TTC7A: variants seen among roughly 807,000 people sequenced by gnomAD.
The protein encoded by TTC7A is tetratricopeptide repeat domain 7A.
Under a neutral mutation model 103.7 loss-of-function variants are expected in TTC7A, and 110 were observed. The ratio of observed to expected loss-of-function variants is 1.06; its 90% CI spans 0.91 to 1.24. TTC7A has a LOEUF of 1.24. Ranked by LOEUF, TTC7A falls within the 50% of genes most tolerant of loss-of-function variation. The probability of loss-of-function intolerance (pLI) is 0.00; values close to 1 mark genes in which losing one functional copy is unlikely to be tolerated. For missense variants in TTC7A, 1,340 were observed against 1,116.3 expected, an observed-to-expected ratio of 1.20 and a Z score of -2.86; for synonymous variants, 521 against 467.9, an observed-to-expected ratio of 1.11 and a Z score of -1.47.
At chr2:46,924,886 C>G (rs1310509007) in intron 2 of TTC7A, among the ~76,000 whole-genome samples, 2 of 152,236 alleles carry the variant, frequency 1.3e-5, no homozygotes, top group African/African-American at 4.8e-5. Flanking sequence ...CTTGGCCTTC[C>G]AGAGTCCTAG....
chr2:47,037,839 A>G (rs1307444233), intron 15 of TTC7A, among the ~76,000 whole-genome samples: 1 of 152,226 alleles, frequency 6.6e-6, no homozygotes, highest in Non-Finnish European at 1.5e-5. Flanking sequence ...AAGTTTGGGC[A>G]AACATGTATT....
intron 19 of TTC7A, among the ~76,000 whole-genome samples, chr2:47,064,640 A>G (rs1421024303): frequency 6.6e-6 from 1 of 152,144 alleles, no homozygotes; most frequent in African/African-American, 2.4e-5. Context: ...GGCACTTCCA[A>G]GGGCAGAAGA....
intron 1 of TTC7A, among the ~76,000 whole-genome samples, chr2:46,942,282 C>T (rs1670498975): frequency 6.6e-6 from 1 of 152,152 alleles, no homozygotes; most frequent in Non-Finnish European, 1.5e-5. Context: ...GTGGCTTTAG[C>T]AGTAGGGCTG....
chr2:46,943,915 A>G (rs773993426), intron 1 of TTC7A, among the ~76,000 whole-genome samples: 2 of 152,194 alleles, frequency 1.3e-5, no homozygotes, highest in African/African-American at 2.4e-5. Context: ...CCAGAGGTAG[A>G]TTCAGGGAGG....
intron 18 of TTC7A, 114 bp from the exon 19 acceptor site, chr2:47,060,655 G>C: frequency 1.1e-6 from 1 of 924,376 alleles, no homozygotes; most frequent in Non-Finnish European, 1.7e-6. Flanking sequence ...TGATTTGGTG[G>C]GATAGAGTTT....
chr2:46,915,904 C>A (rs1182406566), upstream of TTC7A: 3 of 984,480 alleles, frequency 3.0e-6, no homozygotes, highest in Admixed American at 6.2e-5. Context: ...CGGCGGCGGG[C>A]TGTGAGGACG....
intron 18 of TTC7A, among the ~76,000 whole-genome samples, chr2:47,056,174 C>A (rs1683296079): frequency 6.6e-6 from 1 of 152,224 alleles, no homozygotes; most frequent in Non-Finnish European, 1.5e-5. Flanking sequence ...GTTCTCCATT[C>A]TAGTCCCCTT....
intron 19 of TTC7A, 90 bp downstream of exon 19, chr2:47,061,061 C>A: frequency 7.5e-7 from 1 of 1,331,908 alleles, no homozygotes; most frequent in Non-Finnish European, 1.0e-6. Context: ...CCATACTCCA[C>A]TGCCTGCCTG....
chr2:47,069,817 C>T (rs1160835579), intron 19 of TTC7A, among the ~76,000 whole-genome samples: 1 of 152,220 alleles, frequency 6.6e-6, no homozygotes, highest in Non-Finnish European at 1.5e-5. Flanking sequence ...TTCTGTAGAG[C>T]AGGCTCCTCC....
chr2:46,967,868 C>G (rs1323332346), intron 3 of TTC7A, among the ~76,000 whole-genome samples: 2 of 151,940 alleles, frequency 1.3e-5, no homozygotes, highest in East Asian at 3.9e-4. Flanking sequence ...CCTACCTGGC[C>G]TTTCGGTTTC....
intron 11 of TTC7A, among the ~76,000 whole-genome samples, chr2:47,012,118 CTG>C (rs1356809932): frequency 6.6e-6 from 1 of 152,240 alleles, no homozygotes; most frequent in Non-Finnish European, 1.5e-5. Context: ...CCCCGCCTTG[CTG>C]TAGTCCTCCT....
intron 15 of TTC7A, among the ~76,000 whole-genome samples, chr2:47,030,650 C>T (rs947209795): frequency 2.6e-5 from 4 of 152,208 alleles, no homozygotes; most frequent in Non-Finnish European, 5.9e-5. Context: ...GCCTGGTCTG[C>T]AGCCCCAAGA....
chr2:47,020,579 C>T (rs72806591), intron 11 of TTC7A, among the ~76,000 whole-genome samples: 6,861 of 152,340 alleles, frequency 0.045, 195 homozygotes, highest in African/African-American at 0.062. Context: ...AGCTCGCCCA[C>T]AAGGTGGCTG....
intron 2 of TTC7A, among the ~76,000 whole-genome samples, chr2:46,925,268 A>G (rs1020903022): frequency 2.6e-5 from 4 of 152,182 alleles, no homozygotes; most frequent in African/African-American, 9.7e-5. Flanking sequence ...TTTTTTAACA[A>G]TATGTTGAGC....
rs1283394519 is a variant in TTC7A at position 47,075,098 on chromosome 2, C to A, written c.*1175C>A. 2 of 152,246 alleles carry A rather than the reference C, an allele frequency of 1.3e-5. No homozygotes were observed. The highest frequency in any genetic ancestry group is 4.8e-5 in the African/African-American group (2 of 41,470). The allele number at this position is 152,246 out of a possible 1,614,324, so 9.4% of individuals were successfully genotyped here. ...TGAGGGCTGCCCTGGTTCATCATAG[C>A]TCCACCTTCCTCGGAAGGAGTGGGC... On this transcript the variant is annotated 3_prime_UTR_variant, in exon 20 of 20. Transcript: ENST00000319190.
At chr2:46,972,065 A>C (rs774884542) in intron 3 of TTC7A, among the ~76,000 whole-genome samples, 1 of 152,138 alleles carries the variant, frequency 6.6e-6, no homozygotes, top group Non-Finnish European at 1.5e-5. Context: ...CAGCAGGTAG[A>C]GCTTCAGGCA....
At chr2:47,069,967 A>C (rs1573099253) in intron 19 of TTC7A, among the ~76,000 whole-genome samples, 1 of 152,218 alleles carries the variant, frequency 6.6e-6, no homozygotes, top group Non-Finnish European at 1.5e-5. Context: ...AAAATTCCCA[A>C]AATAACTTCT....
chr2:47,051,830 A>C lies in TTC7A; in HGVS notation c.2102A>C (p.Gln701Pro). Residue 701 changes from glutamine (Q) to proline (P), a missense_variant, in exon 18 of 20, where the codon CAG (glutamine) becomes CCG (proline). Gln to Pro is a moderately conservative substitution (Grantham distance 76, BLOSUM62 -1). Coordinates refer to ENST00000319190, the MANE Select transcript of TTC7A (RefSeq NM_020458.4). ...ELTMPSSVLK[Q>P]GPMQLWTTLE... ...ACTATGCCCTCTTCGGTCCTGAAGC[A>C]GGGCCCCATGCAGCTGTGGACCACG... 6.2e-7 allele frequency: 1 copy of C among 1,612,192 alleles called. No individual in the cohort carries two copies. The highest frequency in any genetic ancestry group is 8.5e-7 in the Non-Finnish European group (1 of 1,179,762).
intron 3 of TTC7A, among the ~76,000 whole-genome samples, chr2:46,971,053 A>G (rs954322124): frequency 6.6e-6 from 1 of 152,256 alleles, no homozygotes; most frequent in Non-Finnish European, 1.5e-5. Context: ...AGCACTTTGC[A>G]CTTTGTCAGA....
Sources: gnomAD v4.1 joint callset for allele counts (sites outside exome capture counted in the v4.1 genomes callset) on GRCh38, gnomAD v4.1.1 for gene constraint, MANE v1.5 for transcripts, NCBI Gene and HGNC (gene_info 2026-07-23, HGNC 2026-07-21) for gene names.